The following CADM1 variants were observed in gnomAD, a reference collection of about 807,000 sequenced individuals.
CADM1 encodes the protein TSLC-1.
CADM1 carries 15 observed loss-of-function variants against 53.1 expected under a neutral mutation model. The observed-to-expected ratio is 0.28, with a 90% CI of 0.19 to 0.44. The LOEUF (loss-of-function observed/expected upper bound fraction) is 0.44, where lower values mean the gene tolerates loss of function less well. Among genes scored for constraint, CADM1 ranks in the 20% least tolerant of loss-of-function variants. The pLI is 1.00. For synonymous variants in CADM1, 281 were observed against 243.0 expected, an observed-to-expected ratio of 1.16 and a Z score of -1.45; for missense variants, 434 against 611.3, an observed-to-expected ratio of 0.71 and a Z score of 3.06.
chr11:115,316,889 C>T (rs866723566), intron 1 of CADM1, among the ~76,000 whole-genome samples: 12 of 152,110 alleles, frequency 7.9e-5, no homozygotes, highest in Middle Eastern at 6.3e-3. Context: ...ACTTCCTAGT[C>T]AGCAAAAGTT....
intron 1 of CADM1, among the ~76,000 whole-genome samples, chr11:115,407,075 A>C (rs1485850207): frequency 6.6e-6 from 1 of 152,092 alleles, no homozygotes; most frequent in Non-Finnish European, 1.5e-5. Context: ...ATATCACACT[A>C]AAGTATTAAG....
At chr11:115,266,997 C>T (rs1488088253) in intron 1 of CADM1, among the ~76,000 whole-genome samples, 1 of 152,218 alleles carries the variant, frequency 6.6e-6, no homozygotes, top group African/African-American at 2.4e-5. Flanking sequence ...AGCTTCTTGC[C>T]TGTTGCACAT....
chr11:115,375,962 ATAAT>A (rs1275775881), intron 1 of CADM1, among the ~76,000 whole-genome samples: 2 of 152,170 alleles, frequency 1.3e-5, no homozygotes, highest in African/African-American at 4.8e-5. Context: ...TTTCTATTTA[ATAAT>A]TAAAGGTGGT....
At chr11:115,418,177 T>C (rs1282664009) in intron 1 of CADM1, among the ~76,000 whole-genome samples, 1 of 152,186 alleles carries the variant, frequency 6.6e-6, no homozygotes, top group East Asian at 1.9e-4. Flanking sequence ...CATCCTGGAA[T>C]GCAAAAGTCA....
intron 1 of CADM1, among the ~76,000 whole-genome samples, chr11:115,490,867 T>C (rs1428173197): frequency 1.3e-5 from 2 of 152,208 alleles, no homozygotes; most frequent in African/African-American, 2.4e-5. Context: ...CTTCCTCTTC[T>C]GTAAAATGGG....
intron 1 of CADM1, among the ~76,000 whole-genome samples, chr11:115,441,514 G>A (rs1357351862): frequency 1.3e-5 from 2 of 152,136 alleles, no homozygotes; most frequent in Admixed American, 6.5e-5. Flanking sequence ...GGAAACAGTA[G>A]GTGGTTTTCT....
chr11:115,262,692 T>G (rs756318171), intron 1 of CADM1, among the ~76,000 whole-genome samples: 7 of 152,208 alleles, frequency 4.6e-5, no homozygotes, highest in Non-Finnish European at 1.0e-4. Context: ...ACTTCTTGAG[T>G]GAACAAATGA....
intron 1 of CADM1, among the ~76,000 whole-genome samples, chr11:115,304,873 TA>T (rs1411396074): frequency 7.2e-5 from 11 of 152,124 alleles, no homozygotes; most frequent in African/African-American, 2.4e-4. Context: ...AATTACCAGG[TA>T]ATATGAGGTC....
chr11:115,473,122 A>C (rs1210982377), intron 1 of CADM1, among the ~76,000 whole-genome samples: 1 of 152,194 alleles, frequency 6.6e-6, no homozygotes, highest in Non-Finnish European at 1.5e-5. Flanking sequence ...CAAGGTACTT[A>C]ATTTGACTAA....
intron 1 of CADM1, among the ~76,000 whole-genome samples, chr11:115,405,276 G>T (rs962857615): frequency 2.0e-5 from 3 of 152,076 alleles, no homozygotes; most frequent in African/African-American, 7.2e-5. Context: ...AAACAAGAAG[G>T]TATGTTTTCA....
chr11:115,338,655 T>C (rs1338328032), intron 1 of CADM1, among the ~76,000 whole-genome samples: 1 of 152,152 alleles, frequency 6.6e-6, no homozygotes, highest in Non-Finnish European at 1.5e-5. Context: ...CCTGCATAAC[T>C]GGTTATAGCA....
intron 1 of CADM1, among the ~76,000 whole-genome samples, chr11:115,306,617 T>C (rs1458135466): frequency 6.6e-6 from 1 of 151,984 alleles, no homozygotes; most frequent in African/African-American, 2.4e-5. Flanking sequence ...GGCCTTGTTT[T>C]CTATGTCTTA....
At chr11:115,482,281 A>G (rs1036847915) in intron 1 of CADM1, among the ~76,000 whole-genome samples, 2 of 152,118 alleles carry the variant, frequency 1.3e-5, no homozygotes, top group African/African-American at 2.4e-5. Flanking sequence ...CTCCTGAACT[A>G]TATCTATTAT....
chr11:115,392,762 A>G (rs892223037), intron 1 of CADM1, among the ~76,000 whole-genome samples: 2 of 152,180 alleles, frequency 1.3e-5, no homozygotes, highest in African/African-American at 4.8e-5. Context: ...TGACCCAGGA[A>G]TTTCAATTGT....
At chr11:115,301,810 C>G (rs554887886) in intron 1 of CADM1, among the ~76,000 whole-genome samples, 8 of 152,074 alleles carry the variant, frequency 5.3e-5, no homozygotes, top group Admixed American at 3.3e-4. Flanking sequence ...AGTACACACC[C>G]CATAACATTA....
intron 1 of CADM1, among the ~76,000 whole-genome samples, chr11:115,284,106 CTCTCTCTCTGTGTGTGTG>C (rs1245763060): frequency 5.2e-5 from 7 of 134,200 alleles, no homozygotes; most frequent in African/African-American, 2.1e-4. Flanking sequence ...CTCTCTCTCT[CTCTCTCTCTGTGTGTGTG>C]TGTGTGTGTG....
At chr11:115,501,615 AGAG>A (rs1388875009) in intron 1 of CADM1, among the ~76,000 whole-genome samples, 10 of 152,338 alleles carry the variant, frequency 6.6e-5, no homozygotes, top group Admixed American at 2.6e-4. Flanking sequence ...AGGAGAAATG[AGAG>A]GAGATTTTCT....
At chr11:115,479,408 T>C (rs1026248777) in intron 1 of CADM1, among the ~76,000 whole-genome samples, 1 of 152,084 alleles carries the variant, frequency 6.6e-6, no homozygotes, top group Admixed American at 6.6e-5. Context: ...CAGTTTCCTA[T>C]TTGTCTTCCA....
Position 115,171,454 on chromosome 11 carries a change from C to T in CADM1, c.*5020G>A, listed in dbSNP as rs1938787993. ...TGCACCAATTAACACCCGCATATCA[C>T]CTCAGGGTTCCAGTTGATGTATTTG... On this transcript the variant is annotated 3_prime_UTR_variant, in exon 12 of 12. Transcript: ENST00000331581. 1 of 152,192 alleles carries T rather than the reference C, an allele frequency of 6.6e-6. No homozygotes were observed. 9.4% of individuals were successfully genotyped at this position (152,192 alleles called of 1,614,324 possible).
Sources: allele counts gnomAD v4.1 joint callset (sites outside exome capture counted in the v4.1 genomes callset), GRCh38; gene constraint gnomAD v4.1.1; transcripts MANE v1.5; gene names NCBI Gene and HGNC (gene_info 2026-07-23, HGNC 2026-07-21).